Variants in PBRM1 observed in about 807,000 individuals in gnomAD.
PBRM1 encodes protein polybromo-1.
In PBRM1, 27 loss-of-function variants were observed where a neutral mutation model predicts 194.5. The ratio of observed to expected loss-of-function variants is 0.14; its 90% CI spans 0.10 to 0.19. The LOEUF (loss-of-function observed/expected upper bound fraction) is 0.19. Ranked by LOEUF, PBRM1 falls within the 10% of genes least tolerant of loss-of-function variation. The pLI is 1.00. For missense variants in PBRM1, 1,466 were observed against 2,077.2 expected (o/e 0.71, Z 5.72); for synonymous variants, 655 against 693.2 (o/e 0.94, Z 0.87).
chr3:52,628,040 A>G (rs1278767358), intron 12 of PBRM1, among the ~76,000 whole-genome samples: 3 of 152,214 alleles, frequency 2.0e-5, no homozygotes, highest in African/African-American at 7.2e-5. Flanking sequence ...TGTATTTCAT[A>G]TCTACCTTTT....
At chr3:52,579,507 T>C (rs1238112036) in intron 20 of PBRM1, among the ~76,000 whole-genome samples, 1 of 151,956 alleles carries the variant, frequency 6.6e-6, no homozygotes, top group Non-Finnish European at 1.5e-5. Flanking sequence ...CTGAGGTGGG[T>C]AGATCACTCG....
In PBRM1 at chr3:52,658,292, C is replaced by T; in HGVS notation, c.552G>A (p.Glu184=). The change falls in exon 5 of 30, where the codon GAG becomes GAA. Residue 184 remains glutamate (E), a synonymous_variant. Transcript: ENST00000296302. ...TGGCTTCAAGAAGCTGCTCCAGGAT[C>T]TCCTTCAAGTAAGCTGGAGAAGACT... 1.9e-6 allele frequency: 3 copies of T among 1,608,006 alleles called. No individual in the cohort carries two copies. The South Asian group carries it at 3.3e-5, about 18-fold the overall frequency.
chr3:52,680,368 CACTT>C (rs1305611949), upstream of PBRM1, among the ~76,000 whole-genome samples: 1 of 152,210 alleles, frequency 6.6e-6, no homozygotes, highest in Non-Finnish European at 1.5e-5. Context: ...CCCTGGAAAA[CACTT>C]AATGAGACTT....
At chr3:52,550,792 A>G (rs2153382481) in exon 28 of PBRM1, 1 of 1,611,336 alleles carries the variant, frequency 6.2e-7, no homozygotes, top group Non-Finnish European at 8.5e-7. Flanking sequence ...TCCCTACCAT[A>G]GGGGCCACTC....
At chr3:52,646,012 T>C (rs1315869994) in intron 7 of PBRM1, among the ~76,000 whole-genome samples, 1 of 152,230 alleles carries the variant, frequency 6.6e-6, no homozygotes, top group East Asian at 1.9e-4. Flanking sequence ...TACACAAGTT[T>C]AGAATGAATG....
At chr3:52,578,921 G>A (rs746447475) in intron 21 of PBRM1, 133 bp downstream of exon 23, 7 of 814,502 alleles carry the variant, frequency 8.6e-6, no homozygotes, top group Non-Finnish European at 1.5e-5. Context: ...GGTTGGAGGG[G>A]AACATGGTGT....
intron 23 of PBRM1, among the ~76,000 whole-genome samples, 173 bp downstream of exon 25, chr3:52,563,877 T>C (rs1347162053): frequency 6.6e-6 from 1 of 151,904 alleles, no homozygotes; most frequent in East Asian, 1.9e-4. Flanking sequence ...AGCCACCAGG[T>C]CCCAGCAGAT....
intron 13 of PBRM1, among the ~76,000 whole-genome samples, chr3:52,618,152 A>G (rs931386217): frequency 1.3e-5 from 2 of 152,086 alleles, no homozygotes; most frequent in African/African-American, 4.8e-5. Flanking sequence ...CACAGTTCCA[A>G]CCTACTTTAA....
intron 22 of PBRM1, among the ~76,000 whole-genome samples, chr3:52,570,923 C>T (rs1247609239): frequency 1.4e-5 from 2 of 146,994 alleles, no homozygotes; most frequent in African/African-American, 2.5e-5. Flanking sequence ...GAGTTTCCTT[C>T]TGTTGTCCAG....
At chr3:52,622,986 T>C (rs13064064) in intron 13 of PBRM1, among the ~76,000 whole-genome samples, 52,081 of 152,054 alleles carry the variant, frequency 0.34, 9,935 homozygotes, top group Admixed American at 0.46. Context: ...GAATCAAATA[T>C]AATTATTACC....
intron 13 of PBRM1, among the ~76,000 whole-genome samples, chr3:52,619,365 T>C (rs780862202): frequency 1.1e-4 from 17 of 152,250 alleles, no homozygotes; most frequent in Non-Finnish European, 1.9e-4. Context: ...CATCCTCCTG[T>C]ATACTTCAAA....
At chr3:52,593,037 A>AT (rs752488965) in intron 17 of PBRM1, among the ~76,000 whole-genome samples, 7 of 151,832 alleles carry the variant, frequency 4.6e-5, no homozygotes, top group Non-Finnish European at 7.4e-5. Context: ...GTTTACTTGG[A>AT]TTTTTTCTCT....
chr3:52,636,858 TAA>T (rs11379683), intron 10 of PBRM1, among the ~76,000 whole-genome samples: 3 of 137,458 alleles, frequency 2.2e-5, no homozygotes, highest in Admixed American at 7.5e-5. Context: ...GACTCCGCCT[TAA>T]AAAAAAAAAA....
At chr3:52,608,531 G>A (rs1036238216) in intron 16 of PBRM1, among the ~76,000 whole-genome samples, 5 of 151,990 alleles carry the variant, frequency 3.3e-5, no homozygotes, top group Non-Finnish European at 7.4e-5. Context: ...AAGGTTCAGA[G>A]CAAATTCTGA....
chr3:52,570,884 T>C (rs1210044852), intron 22 of PBRM1, among the ~76,000 whole-genome samples: 1 of 152,024 alleles, frequency 6.6e-6, no homozygotes. Context: ...CTACACATCT[T>C]TGTTTCTTCG....
At chr3:52,651,922 G>A in intron 5 of PBRM1, 112 bp from the exon 7 acceptor site, 3 of 668,558 alleles carry the variant, frequency 4.5e-6, no homozygotes, top group Admixed American at 2.6e-5. Flanking sequence ...GCAGCTTTGT[G>A]AGATTCAAGA....
chr3:52,685,504 G>A (rs1403956376), intron 1 of PBRM1: 1 of 152,094 alleles, frequency 6.6e-6, no homozygotes, highest in Admixed American at 6.5e-5. Flanking sequence ...GAGCGGGAAA[G>A]AGGAGCGCGG....
chr3:52,679,617 C>A (rs1362922218), exon 1 of PBRM1: 2 of 1,613,968 alleles, frequency 1.2e-6, no homozygotes, highest in Non-Finnish European at 1.7e-6. Context: ...CCTTTTCCTG[C>A]TTGGGCCTGG....
At chr3:52,562,813 T>C (rs1023052230) in intron 24 of PBRM1, among the ~76,000 whole-genome samples, 3 of 152,114 alleles carry the variant, frequency 2.0e-5, no homozygotes, top group African/African-American at 7.2e-5. Flanking sequence ...AGTGCTGGGA[T>C]TACAGACATA....
Sources: allele counts gnomAD v4.1 joint callset (sites outside exome capture counted in the v4.1 genomes callset), GRCh38; gene constraint gnomAD v4.1.1; transcripts MANE v1.5; gene names NCBI Gene and HGNC (gene_info 2026-07-23, HGNC 2026-07-21).